The following TBATA variants were observed in gnomAD, a reference collection of about 807,000 sequenced individuals.
The protein encoded by TBATA is protein TBATA.
A neutral mutation model predicts 38.7 loss-of-function variants in TBATA; 47 were observed. The observed-to-expected ratio is 1.21, with a 90% CI of 0.96 to 1.55. The LOEUF is 1.55. TBATA is among the 40% of genes most tolerant of loss of function. The probability of loss-of-function intolerance (pLI) is 0.00; values close to 1 mark genes in which losing one functional copy is unlikely to be tolerated. For synonymous variants in TBATA, 183 were observed against 170.5 expected, an observed-to-expected ratio of 1.07 and a Z score of -0.57; for missense variants, 436 against 435.6, an observed-to-expected ratio of 1.00 and a Z score of -0.01.
At chr10:70,772,469 G>A (rs939490136) in intron 10 of TBATA, 45 bp downstream of exon 10, 2 of 1,587,462 alleles carry the variant, frequency 1.3e-6, no homozygotes, top group African/African-American at 2.7e-5. Flanking sequence ...CAGCCAGAGT[G>A]GGCCTTGGTG....
intron 7 of TBATA, chr10:70,776,415 C>G: frequency 2.2e-6 from 1 of 456,316 alleles, no homozygotes; most frequent in Non-Finnish European, 4.4e-6. Context: ...TTAGTCCTGG[C>G]TATGCTGCTC....
chr10:70,775,138 C>A (rs1423046605), intron 8 of TBATA, 51 bp downstream of exon 8: 1 of 1,545,190 alleles, frequency 6.5e-7, no homozygotes, highest in Non-Finnish European at 8.9e-7. Flanking sequence ...AGATCAAGGG[C>A]AGGACCTTGG....
At position 70,776,246 on chromosome 10, in the gene TBATA, G is replaced by T. The variant is rs938883125; in HGVS notation, c.693+907C>A. 7.0e-6 allele frequency: 3 copies of T among 429,720 alleles called. No individual in the cohort carries two copies. In the East Asian group the frequency reaches 2.1e-4, roughly 31 times the overall value. The allele number at this position is 429,720 out of a possible 1,614,324, so 26.6% of individuals were successfully genotyped here. ...TCTGCCTGCTTAGGGGTCCACCCTC[G>T]TCCCCAGATGCCCACCCGCTGTGCT... is the stretch of plus-strand genomic sequence containing the variant. On this transcript the variant is annotated intron_variant, in intron 7 of 10. Transcript: ENST00000456372.
chr10:70,771,660 A>T (rs2132789980), intron 10 of TBATA, among the ~76,000 whole-genome samples, 199 bp from the exon 11 acceptor site: 1 of 152,282 alleles, frequency 6.6e-6, no homozygotes, highest in African/African-American at 2.4e-5. Flanking sequence ...TTCTTTCAAC[A>T]TCCAAGTAAC....
At chr10:70,775,566 C>T (rs985398332) in intron 7 of TBATA, among the ~76,000 whole-genome samples, 4 of 152,122 alleles carry the variant, frequency 2.6e-5, no homozygotes, top group East Asian at 1.9e-4. Context: ...TGGCAGGACA[C>T]GACCTCAGCG....
At chr10:70,773,216 A>T (rs1158522419) in intron 9 of TBATA, among the ~76,000 whole-genome samples, 3 of 152,032 alleles carry the variant, frequency 2.0e-5, no homozygotes, top group African/African-American at 7.2e-5. Context: ...GCAAGAACCC[A>T]TGACTTCAAG....
chr10:70,777,267 G>C lies in TBATA; in HGVS notation c.579C>G (p.Ile193Met), dbSNP rs770745215. The C allele has an allele frequency of 2.5e-6, 4 of 1,613,680 alleles. No homozygotes were observed. In the South Asian group the frequency reaches 4.4e-5, roughly 18 times the overall value. ...AKYSAETGRL[I>M]PASTRAVGRR... ...GGCCGACAGCCCGGGTGGAAGCGGG[G>C]ATGAGCCTCCCAGTCTCTGCTGAGT... is the stretch of plus-strand genomic sequence containing the variant. Residue 193 changes from isoleucine (I) to methionine (M), a missense_variant, in exon 7 of 11, where the codon ATC becomes ATG. Physicochemically the swap from Ile to Met is conservative, Grantham distance 10. Transcript: ENST00000456372.
chr10:70,775,159 T>G, intron 8 of TBATA, 30 bp downstream of exon 8: 37 of 1,589,642 alleles, frequency 2.3e-5, no homozygotes, highest in Non-Finnish European at 2.8e-5. Context: ...CAGCCTCCAC[T>G]GAGACAGTGC....
intron 8 of TBATA, 31 bp downstream of exon 8, chr10:70,775,158 C>T (rs770211818): frequency 5.7e-6 from 9 of 1,592,866 alleles, no homozygotes; most frequent in Middle Eastern, 1.7e-4. Context: ...GCAGCCTCCA[C>T]TGAGACAGTG....
At chr10:70,776,857 C>T (rs534271839) in intron 7 of TBATA, among the ~76,000 whole-genome samples, 83 of 152,292 alleles carry the variant, frequency 5.5e-4, no homozygotes, top group African/African-American at 1.9e-3. Flanking sequence ...CCCACCATTG[C>T]AGCTCCCTTC....
rs561280649 is a variant in TBATA at position 70,779,989 on chromosome 10, T to C, written c.278-247A>G. ...GGCCACACTGTGATTTGGGCAGAGG[T>C]GAGACAAGAACTTAGGCTTCCTGGG... On this transcript the variant is annotated intron_variant, in intron 4 of 10. Coordinates refer to ENST00000456372, the MANE Select transcript of TBATA (RefSeq NM_001318241.2). Among the ~76,000 whole-genome samples, 8 of 152,010 alleles carry C rather than the reference T, an allele frequency of 5.3e-5. No individual in the cohort carries two copies. The South Asian group carries it at 1.7e-3, about 32-fold the overall frequency.
chr10:70,778,409 C>G, intron 6 of TBATA, 148 bp downstream of exon 6: 1 of 821,182 alleles, frequency 1.2e-6, no homozygotes, highest in Non-Finnish European at 2.1e-6. Context: ...GTGCTCTCTC[C>G]CTCACTGTGA....
At position 70,779,735 on chromosome 10, in the gene TBATA, G is replaced by A. The variant is rs750900758; in HGVS notation, c.285C>T (p.Thr95=). The stretch of plus-strand genomic sequence containing the variant: ...CCCTGACGACACAGACAGGCTTCCC[G>A]GTGAGATCTGCAAAGGGTTAGAGGC... The part of the protein sequence containing the change: ...PQHVTHIQDL[T]GKPVCVVRDF... Residue 95 remains threonine, a synonymous_variant, in exon 5 of 11, where the codon ACC becomes ACT. Transcript: ENST00000456372. 1.1e-5 allele frequency: 17 copies of A among 1,536,600 alleles called. No homozygotes were observed. Among genetic ancestry groups the A allele is most frequent in the African/African-American group, 4.3e-5 (3 of 69,166 alleles).
chr10:70,782,421 C>CA (rs1844348901), intron 3 of TBATA: 1 of 1,299,170 alleles, frequency 7.7e-7, no homozygotes, highest in African/African-American at 1.5e-5. Context: ...GGGATGGTCT[C>CA]AACAGGGGCC....
chr10:70,781,683 G>GACCCCATCCTCTCTGGGCCCCAGC, intron 4 of TBATA, 118 bp downstream of exon 4: 1 of 999,414 alleles, frequency 1.0e-6, no homozygotes, highest in South Asian at 1.6e-5. Context: ...TGGGATCCTG[G>GACCCCATCCTCTCTGGGCCCCAGC]ACCCCATCCT....
rs1843497249 is a variant in TBATA at position 70,777,076 on chromosome 10, G to A, written c.693+77C>T. The A allele has an allele frequency of 4.8e-6, 7 of 1,473,630 alleles. No individual in the cohort carries two copies. In the East Asian group the frequency reaches 1.7e-4, roughly 35 times the overall value. 91.3% of individuals were successfully genotyped at this position (1,473,630 alleles called of 1,614,324 possible). ...GTCCTAGGCACCAGTATCCCTGGGA[G>A]GGGCCTTGCCCTAAAGCGGTTTGTA... On this transcript the variant is annotated intron_variant, in intron 7 of 10. Transcript: ENST00000456372.
rs1255804231 is a variant in TBATA, at chr10:70,781,897, G to A, written c.181C>T (p.Pro61Ser). 3.7e-6 allele frequency: 6 copies of A among 1,614,094 alleles called. No individual in the cohort carries two copies. In the East Asian group the frequency reaches 1.3e-4, roughly 36 times the overall value. ...AAGCAGTAGGTGCCAGGGGTTTGGGGCTTTGGGGTCCTCAATGCCCGGCGG... is the reference window on the plus strand; with the variant it reads ...AAGCAGTAGGTGCCAGGGGTTTGGGACTTTGGGGTCCTCAATGCCCGGCGG... ...RIRRALRTPK[P>S]QTPGTYCFGR... Residue 61 changes from proline (P) to serine (S), a missense_variant, in exon 4 of 11, where the codon CCC (proline) becomes TCC (serine). Physicochemically the swap from Pro to Ser is moderately conservative, Grantham distance 74. Transcript: ENST00000456372.
rs757004247 is a variant in TBATA, at chr10:70,781,939, C to A, written c.139G>T (p.Val47Leu). ...PQKELVIPGI[V>L]DFERIRRALR... ...GCCCGGCGGATCCGCTCGAAATCCACAATCCCTGGGATCACCAGTTCTTTC... is the reference window on the plus strand; with the variant it reads ...GCCCGGCGGATCCGCTCGAAATCCAAAATCCCTGGGATCACCAGTTCTTTC... The change falls in exon 4 of 11, where the codon GTG (valine) becomes TTG (leucine). Residue 47 changes from valine to leucine, a missense_variant. Val to Leu is a conservative substitution (Grantham distance 32). Transcript: ENST00000456372. 14 of 1,614,232 alleles carry A rather than the reference C, an allele frequency of 8.7e-6. No homozygotes were observed. The highest frequency in any genetic ancestry group is 1.2e-5 in the Non-Finnish European group (14 of 1,180,038).
At chr10:70,775,159 T>A (rs1439156178) in intron 8 of TBATA, 30 bp downstream of exon 8, 1 of 1,589,652 alleles carries the variant, frequency 6.3e-7, no homozygotes, top group Non-Finnish European at 8.6e-7. Context: ...CAGCCTCCAC[T>A]GAGACAGTGC....
Sources: gnomAD v4.1 joint callset for allele counts (sites outside exome capture counted in the v4.1 genomes callset) on GRCh38, gnomAD v4.1.1 for gene constraint, MANE v1.5 for transcripts, NCBI Gene and HGNC (gene_info 2026-07-23, HGNC 2026-07-21) for gene names.